Variants in IGFL2 observed in about 807,000 individuals in gnomAD.
IGFL2 encodes insulin growth factor-like family member 2.
IGFL2 carries 7 observed loss-of-function variants against 13.9 expected under a neutral mutation model. That is an observed-to-expected ratio of 0.51 (90% confidence interval 0.29 to 0.95). The LOEUF (loss-of-function observed/expected upper bound fraction) is 0.95. IGFL2 is among the 40% of genes least tolerant of loss of function. The probability of loss-of-function intolerance (pLI) is 0.08; values close to 1 mark genes in which losing one functional copy is unlikely to be tolerated. For missense variants in IGFL2, 138 were observed against 147.8 expected (o/e 0.93, Z 0.34); for synonymous variants, 55 against 55.8 (o/e 0.99, Z 0.07).
chr19:46,189,633 C>T, the IGFL2 span: 1 of 152,292 alleles, frequency 6.6e-6, no homozygotes, highest in Admixed American at 6.5e-5. Flanking sequence ...TCTAGTGGCC[C>T]TGTCGGGGCA....
the IGFL2 span, among the ~76,000 whole-genome samples, chr19:46,116,399 C>A: frequency 2.6e-5 from 4 of 152,088 alleles, no homozygotes; most frequent in Non-Finnish European, 5.9e-5. Flanking sequence ...ACTGGGAAAT[C>A]CTAGATTTTA....
chr19:46,180,645 T>G, the IGFL2 span: 1 of 152,378 alleles, frequency 6.6e-6, no homozygotes, highest in East Asian at 1.9e-4. Flanking sequence ...ATCTGCAAGC[T>G]GAGGAGCAAG....
chr19:46,178,739 T>A, the IGFL2 span, among the ~76,000 whole-genome samples: 6 of 152,182 alleles, frequency 3.9e-5, no homozygotes, highest in African/African-American at 1.4e-4. Flanking sequence ...AATCTTTGAA[T>A]CCACCCATAA....
chr19:46,080,740 T>G, the IGFL2 span, among the ~76,000 whole-genome samples: 1 of 152,222 alleles, frequency 6.6e-6, no homozygotes. Flanking sequence ...TCAGACAGTG[T>G]TGACTAGGAA....
At chr19:46,189,472 C>T in the IGFL2 span, among the ~76,000 whole-genome samples, 1 of 152,114 alleles carries the variant, frequency 6.6e-6, no homozygotes, top group African/African-American at 2.4e-5. Context: ...GCAGAGTCTT[C>T]TCTAACTCCC....
the IGFL2 span, among the ~76,000 whole-genome samples, chr19:46,083,145 G>A: frequency 4.4e-4 from 67 of 152,238 alleles, no homozygotes; most frequent in African/African-American, 1.6e-3. Flanking sequence ...ACATATAACT[G>A]AGTGCATCAT....
chr19:46,120,173 TG>T, the IGFL2 span: 1 of 1,036,272 alleles, frequency 9.6e-7, no homozygotes, highest in Non-Finnish European at 1.3e-6. Flanking sequence ...CCCTGAAGTC[TG>T]GCCATCCCCA....
chr19:46,191,580 A>G, the IGFL2 span, among the ~76,000 whole-genome samples: 7 of 152,224 alleles, frequency 4.6e-5, no homozygotes, highest in East Asian at 1.2e-3. Context: ...TGAGTTCTCA[A>G]TCTCACCACC....
chr19:46,107,429 G>A, the IGFL2 span, among the ~76,000 whole-genome samples: 1 of 152,000 alleles, frequency 6.6e-6, no homozygotes, highest in Non-Finnish European at 1.5e-5. Flanking sequence ...AGTGGGGTCC[G>A]CACAGATGGG....
the IGFL2 span, among the ~76,000 whole-genome samples, chr19:46,198,942 C>A: frequency 6.6e-6 from 1 of 152,158 alleles, no homozygotes; most frequent in Non-Finnish European, 1.5e-5. Flanking sequence ...GACAAAAGAG[C>A]AAGTGAAGAG....
In IGFL2 at chr19:46,160,611, C is replaced by T. The variant is rs930665494; in HGVS notation, c.74-3C>T. The T allele has an allele frequency of 6.2e-7, 1 of 1,614,102 alleles. No individual in the cohort carries two copies. Among genetic ancestry groups the T allele is most frequent in the Non-Finnish European group, 8.5e-7 (1 of 1,179,994 alleles). ...CACCAACAATGTCTGTCCATCTGTC[C>T]AGCTCCCGCTGGCTCAGAACCATGG... On this transcript the variant is annotated splice_region_variant and splice_polypyrimidine_tract_variant and intron_variant, in intron 2 of 3. Transcript: ENST00000377693.
the IGFL2 span, among the ~76,000 whole-genome samples, chr19:46,129,349 G>C: frequency 7.2e-6 from 1 of 138,402 alleles, no homozygotes; most frequent in South Asian, 2.3e-4. Flanking sequence ...GTGTGTGTGT[G>C]TGTCTCTGTC....
chr19:46,194,850 ATATTTTT>A, the IGFL2 span, among the ~76,000 whole-genome samples: 16 of 35,618 alleles, frequency 4.5e-4, no homozygotes, highest in South Asian at 4.6e-3. Flanking sequence ...ATATATATAT[ATATTTTT>A]TTTTTTTTTT....
the IGFL2 span, among the ~76,000 whole-genome samples, chr19:46,088,340 ATTAT>A: frequency 6.6e-6 from 1 of 152,114 alleles, no homozygotes; most frequent in Admixed American, 6.5e-5. Flanking sequence ...TACATTGTTT[ATTAT>A]TTAAGATAAG....
At chr19:46,080,461 CTG>C in the IGFL2 span, among the ~76,000 whole-genome samples, 1 of 152,134 alleles carries the variant, frequency 6.6e-6, no homozygotes, top group East Asian at 1.9e-4. Flanking sequence ...TAATTAAATT[CTG>C]TGAGTCATGG....
the IGFL2 span, among the ~76,000 whole-genome samples, chr19:46,085,225 C>CA: frequency 1.5e-4 from 23 of 148,630 alleles, no homozygotes; most frequent in African/African-American, 2.5e-4. Flanking sequence ...GACTCCAGCT[C>CA]AAAAAAAAAG....
At chr19:46,101,889 T>C in the IGFL2 span, among the ~76,000 whole-genome samples, 6 of 152,170 alleles carry the variant, frequency 3.9e-5, no homozygotes, top group African/African-American at 1.4e-4. Context: ...CTAGGTAACA[T>C]TGAGGTGGGC....
chr19:46,151,988 C>T (rs1197474053), intron 1 of IGFL2, among the ~76,000 whole-genome samples: 2 of 152,182 alleles, frequency 1.3e-5, no homozygotes, highest in Non-Finnish European at 2.9e-5. Context: ...AATATTAAGT[C>T]TTCCAATTTG....
At chr19:46,124,719 A>C in the IGFL2 span, 10 of 1,341,454 alleles carry the variant, frequency 7.5e-6, no homozygotes, top group Non-Finnish European at 1.1e-5. Context: ...GACAGCCTAA[A>C]TGGGGTTGTC....
Sources: gnomAD v4.1 joint callset for allele counts (sites outside exome capture counted in the v4.1 genomes callset) on GRCh38, gnomAD v4.1.1 for gene constraint, MANE v1.5 for transcripts, NCBI Gene and HGNC (gene_info 2026-07-23, HGNC 2026-07-21) for gene names.